Variants in IL34 observed in about 807,000 individuals in gnomAD.
IL34 encodes interleukin-34.
A neutral mutation model predicts 25.3 loss-of-function variants in IL34; 17 were observed. That is an observed-to-expected ratio of 0.67 (90% CI 0.46 to 1.01). The LOEUF (loss-of-function observed/expected upper bound fraction) is 1.01. Ranked by LOEUF, IL34 falls within the 50% of genes least tolerant of loss-of-function variation. The probability of loss-of-function intolerance (pLI) is 0.00; values close to 1 mark genes in which losing one functional copy is unlikely to be tolerated. For missense variants in IL34, 368 were observed against 312.9 expected (o/e 1.18, Z -1.33); for synonymous variants, 174 against 140.9 (o/e 1.23, Z -1.66).
chr16:70,636,818 A>G (rs900753780), intron 1 of IL34, among the ~76,000 whole-genome samples: 5 of 152,256 alleles, frequency 3.3e-5, no homozygotes, highest in East Asian at 3.9e-4. Context: ...AGAATGAAGA[A>G]GAATACTCTA....
upstream of IL34, among the ~76,000 whole-genome samples, chr16:70,645,172 G>T (rs1426378142): frequency 6.6e-6 from 1 of 151,854 alleles, no homozygotes; most frequent in South Asian, 2.1e-4. Context: ...AGGAGGAAGA[G>T]GAAGGAGGAA....
At chr16:70,632,456 A>T (rs556685705) in intron 1 of IL34, among the ~76,000 whole-genome samples, 2 of 152,312 alleles carry the variant, frequency 1.3e-5, no homozygotes, top group Admixed American at 1.3e-4. Context: ...GGAGCTGAAG[A>T]TTCCTTCAGG....
At chr16:70,620,392 G>A (rs575793166) in intron 1 of IL34, among the ~76,000 whole-genome samples, 82 of 152,214 alleles carry the variant, frequency 5.4e-4, no homozygotes, top group East Asian at 3.3e-3. Flanking sequence ...GCAGGTGGGG[G>A]AGGGCTAGTC....
chr16:70,623,659 G>A (rs866932310), intron 1 of IL34, among the ~76,000 whole-genome samples: 2 of 152,028 alleles, frequency 1.3e-5, no homozygotes, highest in Admixed American at 6.5e-5. Context: ...GAATACAAGA[G>A]GAGGATGCAA....
chr16:70,620,296 G>C (rs968797189), intron 1 of IL34, among the ~76,000 whole-genome samples: 9 of 152,046 alleles, frequency 5.9e-5, no homozygotes, highest in Non-Finnish European at 1.2e-4. Context: ...GAGCCTAAAC[G>C]CTATCTGATT....
intron 5 of IL34, 45 bp from the exon 6 acceptor site, chr16:70,659,952 T>G: frequency 6.5e-7 from 1 of 1,532,458 alleles, no homozygotes; most frequent in Non-Finnish European, 8.8e-7. Flanking sequence ...GAGGGTGGTC[T>G]TGAACACTGC....
In IL34 at chr16:70,656,946, C is replaced by G; in HGVS notation, c.241-14C>G. On this transcript the variant is annotated splice_polypyrimidine_tract_variant and intron_variant, in intron 3 of 5. Transcript: ENST00000288098. ...CATGTCTCCCGAGTTGCAGTGACTT[C>G]CCTGTTTCCGCAGCAGAGGGCCCAG... 1 of 1,598,666 alleles carries G rather than the reference C, an allele frequency of 6.3e-7. No homozygotes were observed. Among genetic ancestry groups the G allele is most frequent in the South Asian group, 1.1e-5 (1 of 88,972 alleles).
At chr16:70,622,199 G>A (rs533266568) in intron 1 of IL34, among the ~76,000 whole-genome samples, 54 of 152,188 alleles carry the variant, frequency 3.5e-4, no homozygotes, top group Admixed American at 6.5e-4. Context: ...AAATGACTGT[G>A]GTGGCCTTCT....
At chr16:70,629,662 C>T (rs1477455951) in intron 1 of IL34, among the ~76,000 whole-genome samples, 1 of 151,122 alleles carries the variant, frequency 6.6e-6, no homozygotes, top group Non-Finnish European at 1.5e-5. Flanking sequence ...TGTACATGTT[C>T]AGTACAGAAA....
At chr16:70,614,678 G>A (rs1329884596) in intron 1 of IL34, among the ~76,000 whole-genome samples, 1 of 152,174 alleles carries the variant, frequency 6.6e-6, no homozygotes, top group Non-Finnish European at 1.5e-5. Flanking sequence ...TTTAAGGGAA[G>A]TTATGTGAAT....
At chr16:70,656,035 A>G (rs2052210339) in intron 2 of IL34, among the ~76,000 whole-genome samples, 1 of 152,200 alleles carries the variant, frequency 6.6e-6, no homozygotes, top group Non-Finnish European at 1.5e-5. Flanking sequence ...CACCCACAAA[A>G]TAACATGTTT....
In IL34 at chr16:70,646,762, T is replaced by G. The variant is rs2051942468; in HGVS notation, c.-186T>G. On this transcript the variant is annotated 5_prime_UTR_variant, in exon 1 of 6. An upstream open reading frame in the 5' UTR loses its in-frame stop. Transcript: ENST00000288098. ...GCTGTCCTCCACGCTGCCGGGCAGA[T>G]AAGGGCAGCTGCTGCCCTTGGGGCA... The G allele has an allele frequency of 1.9e-6, 1 of 540,452 alleles. No homozygotes were observed. Among genetic ancestry groups the G allele is most frequent in the Non-Finnish European group, 3.2e-6 (1 of 317,438 alleles). 33.5% of individuals were successfully genotyped at this position (540,452 alleles called of 1,614,324 possible).
chr16:70,587,662 C>T (rs2050710402), intron 1 of IL34, among the ~76,000 whole-genome samples: 2 of 151,882 alleles, frequency 1.3e-5, no homozygotes, highest in African/African-American at 2.4e-5. Flanking sequence ...CTTTCCTAAG[C>T]TTAAAATGGG....
intron 5 of IL34, 29 bp downstream of exon 5, chr16:70,659,782 G>A: frequency 6.3e-7 from 1 of 1,577,844 alleles, no homozygotes; most frequent in South Asian, 1.1e-5. Context: ...ATGGCGCCTG[G>A]GGGTGGGAGG....
intron 1 of IL34, among the ~76,000 whole-genome samples, chr16:70,584,861 C>T (rs143144132): frequency 2.3e-4 from 35 of 151,974 alleles, no homozygotes; most frequent in Middle Eastern, 3.4e-3. Flanking sequence ...CCACCACGCC[C>T]GGCTAATTTT....
chr16:70,637,841 G>T (rs1037824307), intron 1 of IL34, among the ~76,000 whole-genome samples: 2 of 152,100 alleles, frequency 1.3e-5, no homozygotes, highest in Non-Finnish European at 2.9e-5. Flanking sequence ...TAATTATTTT[G>T]CTATGCTCTA....
At chr16:70,585,419 G>A (rs1467697794) in intron 1 of IL34, among the ~76,000 whole-genome samples, 4 of 152,034 alleles carry the variant, frequency 2.6e-5, no homozygotes, top group African/African-American at 9.7e-5. Context: ...GAGGCTGGGC[G>A]CGGTGGCTCA....
chr16:70,654,717 G>A (rs1365545840), intron 2 of IL34, 46 bp downstream of exon 2: 1 of 1,560,826 alleles, frequency 6.4e-7, no homozygotes, highest in Non-Finnish European at 8.7e-7. Flanking sequence ...GCGTCCCGGG[G>A]TTCACCTGGC....
chr16:70,599,895 G>T (rs2050890304), intron 1 of IL34, among the ~76,000 whole-genome samples: 1 of 151,898 alleles, frequency 6.6e-6, no homozygotes, highest in Non-Finnish European at 1.5e-5. Context: ...GCCCAGGCTG[G>T]TCTCAAGTTC....
Sources: gnomAD v4.1 joint callset for allele counts (sites outside exome capture counted in the v4.1 genomes callset) on GRCh38, gnomAD v4.1.1 for gene constraint, MANE v1.5 for transcripts, NCBI Gene and HGNC (gene_info 2026-07-23, HGNC 2026-07-21) for gene names.